Variants in KDM4C observed in about 807,000 individuals in gnomAD.
The protein encoded by KDM4C is lysine-specific demethylase 4C.
In KDM4C, 81 loss-of-function variants were observed where a neutral mutation model predicts 129.3. That is an observed-to-expected ratio of 0.63 (90% CI 0.52 to 0.75). The LOEUF is 0.75. Ranked by LOEUF, KDM4C falls within the 30% of genes least tolerant of loss-of-function variation. The pLI is 0.00. For synonymous variants in KDM4C, 573 were observed against 456.1 expected, an observed-to-expected ratio of 1.26 and a Z score of -3.26; for missense variants, 1,457 against 1,304.0, an observed-to-expected ratio of 1.12 and a Z score of -1.81.
chr9:6,915,220 A>G (rs1039262137), intron 8 of KDM4C, among the ~76,000 whole-genome samples: 1 of 152,246 alleles, frequency 6.6e-6, no homozygotes, highest in Non-Finnish European at 1.5e-5. Context: ...AAAATATGCA[A>G]GAAGCACGTG....
intron 4 of KDM4C, among the ~76,000 whole-genome samples, chr9:6,825,338 G>T: frequency 6.6e-6 from 1 of 152,170 alleles, no homozygotes; most frequent in East Asian, 1.9e-4. Flanking sequence ...GACAAGGTCT[G>T]CGTGTCTTCC....
In KDM4C at chr9:6,861,267, T is replaced by C. The variant is rs568928744; in HGVS notation, c.629+11567T>C. ...TTGGTCTTGTCTCTCCCATGAGATA[T>C]TCAACTTCCTGAGAGCAGTGGTACA... is the stretch of plus-strand genomic sequence containing the variant. On this transcript the variant is annotated intron_variant, in intron 5 of 21. Transcript: ENST00000381309. Among the ~76,000 whole-genome samples the C allele has an allele frequency of 2.7e-4, 41 of 152,354 alleles. No individual in the cohort carries two copies. The South Asian group carries it at 8.1e-3, about 30-fold the overall frequency.
At chr9:6,990,703 C>T (rs1349947293) in intron 12 of KDM4C, among the ~76,000 whole-genome samples, 179 bp downstream of exon 12, 2 of 152,090 alleles carry the variant, frequency 1.3e-5, no homozygotes, top group Non-Finnish European at 2.9e-5. Flanking sequence ...GAGGTAAAGA[C>T]GTACTTCATA....
chr9:7,161,124 G>A (rs1049535583), intron 19 of KDM4C, among the ~76,000 whole-genome samples: 1 of 152,198 alleles, frequency 6.6e-6, no homozygotes. Flanking sequence ...CATGGCCACG[G>A]GACCCACCGA....
At chr9:7,088,921 G>GATCTGGTAAGAATCCGATAAGA (rs1835465421) in intron 17 of KDM4C, among the ~76,000 whole-genome samples, 1 of 152,092 alleles carries the variant, frequency 6.6e-6, no homozygotes, top group Non-Finnish European at 1.5e-5. Flanking sequence ...ATTTTTGTAG[G>GATCTGGTAAGAATCCGATAAGA]ATCTGGTAAG....
intron 8 of KDM4C, among the ~76,000 whole-genome samples, chr9:6,960,181 C>T (rs1829787261): frequency 1.3e-5 from 2 of 152,060 alleles, no homozygotes; most frequent in Admixed American, 1.3e-4. Flanking sequence ...AGAACTGCTG[C>T]AGTCCTGATA....
intron 8 of KDM4C, among the ~76,000 whole-genome samples, chr9:6,962,778 A>G (rs2131612689): frequency 6.6e-6 from 1 of 152,290 alleles, no homozygotes; most frequent in East Asian, 1.9e-4. Flanking sequence ...GTAACATGAA[A>G]ACTTTAAATT....
intron 8 of KDM4C, among the ~76,000 whole-genome samples, chr9:6,914,105 G>A (rs1420914265): frequency 1.3e-5 from 2 of 152,168 alleles, no homozygotes; most frequent in African/African-American, 4.8e-5. Flanking sequence ...TATTGTCCAG[G>A]CTGGAGTGCA....
chr9:7,043,775 T>G (rs1828970086), intron 15 of KDM4C, among the ~76,000 whole-genome samples: 1 of 152,000 alleles, frequency 6.6e-6, no homozygotes, highest in African/African-American at 2.4e-5. Context: ...ATTTTTGTTC[T>G]TCACAAAGAA....
chr9:6,981,490 T>C (rs1466481901), intron 9 of KDM4C, among the ~76,000 whole-genome samples: 1 of 152,220 alleles, frequency 6.6e-6, no homozygotes, highest in Non-Finnish European at 1.5e-5. Context: ...TTTTTGGCTT[T>C]AGTGGTTATC....
intron 8 of KDM4C, chr9:6,924,616 C>A (rs577875793): frequency 2.9e-6 from 1 of 342,630 alleles, no homozygotes; most frequent in Admixed American, 6.5e-5. Context: ...TTGCCCACGC[C>A]AATTCAGTCC....
At chr9:7,110,301 A>G (rs567219104) in intron 18 of KDM4C, among the ~76,000 whole-genome samples, 1 of 152,278 alleles carries the variant, frequency 6.6e-6, no homozygotes, top group South Asian at 2.1e-4. Context: ...GTTTCATTTG[A>G]GTGCTGGCTA....
At chr9:6,896,355 G>T (rs577971812) in intron 8 of KDM4C, among the ~76,000 whole-genome samples, 1 of 152,024 alleles carries the variant, frequency 6.6e-6, no homozygotes, top group African/African-American at 2.4e-5. Context: ...GGGGTTTATT[G>T]AATGTGTATA....
At chr9:7,123,887 C>G (rs1268482650) in intron 18 of KDM4C, among the ~76,000 whole-genome samples, 1 of 152,142 alleles carries the variant, frequency 6.6e-6, no homozygotes, top group East Asian at 1.9e-4. Flanking sequence ...CTGGACTGAT[C>G]CTTGTCAGTG....
chr9:6,909,221 C>A (rs948253779), intron 8 of KDM4C, among the ~76,000 whole-genome samples: 1 of 152,194 alleles, frequency 6.6e-6, no homozygotes, highest in Non-Finnish European at 1.5e-5. Flanking sequence ...GCTTCTTGTC[C>A]AGCTGTAGCT....
chr9:6,797,169 G>A (rs985242353), intron 2 of KDM4C, among the ~76,000 whole-genome samples: 2 of 151,592 alleles, frequency 1.3e-5, no homozygotes, highest in Non-Finnish European at 2.9e-5. Context: ...TTTGTTTTTT[G>A]TAGAGATGGG....
chr9:6,956,870 C>G (rs923808487), intron 8 of KDM4C, among the ~76,000 whole-genome samples: 1 of 152,148 alleles, frequency 6.6e-6, no homozygotes, highest in African/African-American at 2.4e-5. Flanking sequence ...CTTCAGAGCT[C>G]AGCTGGAGCG....
At chr9:7,159,284 C>T (rs1415579226) in intron 19 of KDM4C, among the ~76,000 whole-genome samples, 3 of 152,114 alleles carry the variant, frequency 2.0e-5, no homozygotes, top group Non-Finnish European at 4.4e-5. Context: ...ATTCTTTATC[C>T]AGTTTGCCAG....
chr9:7,138,393 G>C (rs1244226545), intron 19 of KDM4C, among the ~76,000 whole-genome samples: 1 of 152,144 alleles, frequency 6.6e-6, no homozygotes, highest in Non-Finnish European at 1.5e-5. Context: ...TTTTATATTT[G>C]TATAATGTTT....
Sources: allele counts gnomAD v4.1 joint callset (sites outside exome capture counted in the v4.1 genomes callset), GRCh38; gene constraint gnomAD v4.1.1; transcripts MANE v1.5; gene names NCBI Gene and HGNC (gene_info 2026-07-23, HGNC 2026-07-21).